SMAD9: variants seen among roughly 807,000 people sequenced by gnomAD.
The protein encoded by SMAD9 is SMAD family member 9, also known as MAD homolog 9.
SMAD9 carries 36 observed loss-of-function variants against 46.1 expected under a neutral mutation model. The observed-to-expected ratio is 0.78, with a 90% CI of 0.60 to 1.03. SMAD9 has a LOEUF of 1.03. Among genes scored for constraint, SMAD9 ranks in the 50% least tolerant of loss-of-function variants. SMAD9 has a pLI of 0.00. For missense variants in SMAD9, 572 were observed against 599.8 expected, an observed-to-expected ratio of 0.95 and a Z score of 0.48; for synonymous variants, 245 against 237.1, an observed-to-expected ratio of 1.03 and a Z score of -0.31.
At chr13:36,864,478 T>C (rs1478554829) in intron 5 of SMAD9, among the ~76,000 whole-genome samples, 3 of 152,374 alleles carry the variant, frequency 2.0e-5, no homozygotes, top group African/African-American at 4.8e-5. Context: ...CTAACCCTTA[T>C]GGATGACATA....
chr13:36,882,820 C>T (rs1266855374), intron 1 of SMAD9, among the ~76,000 whole-genome samples: 1 of 152,050 alleles, frequency 6.6e-6, no homozygotes, highest in Non-Finnish European at 1.5e-5. Context: ...TGAATCATGC[C>T]AGGTGTGGTG....
At chr13:36,854,064 C>A (rs1482264188) in intron 5 of SMAD9, among the ~76,000 whole-genome samples, 1 of 152,054 alleles carries the variant, frequency 6.6e-6, no homozygotes, top group Admixed American at 6.6e-5. Context: ...GAGGCTCAGG[C>A]AGGAGAATTG....
intron 4 of SMAD9, among the ~76,000 whole-genome samples, chr13:36,866,101 A>C (rs1207364507): frequency 6.6e-6 from 1 of 152,190 alleles, no homozygotes; most frequent in Non-Finnish European, 1.5e-5. Flanking sequence ...AGCTCAAAGG[A>C]AGCTGGCAGG....
intron 1 of SMAD9, among the ~76,000 whole-genome samples, chr13:36,914,762 A>G (rs2058686401): frequency 6.6e-6 from 1 of 152,186 alleles, no homozygotes; most frequent in Non-Finnish European, 1.5e-5. Context: ...GGTACTACCA[A>G]GTCAGTTAAA....
intron 1 of SMAD9, among the ~76,000 whole-genome samples, chr13:36,919,686 C>T (rs1225388543): frequency 6.6e-6 from 1 of 151,436 alleles, no homozygotes. Context: ...CCAGCCCCGA[C>T]CCGACCGCCG....
intron 4 of SMAD9, among the ~76,000 whole-genome samples, chr13:36,866,708 A>G (rs1025813432): frequency 9.9e-5 from 15 of 152,216 alleles, no homozygotes; most frequent in African/African-American, 3.6e-4. Flanking sequence ...GATCTGGCTC[A>G]TGGAACAGTA....
At chr13:36,883,440 A>C (rs189634504) in intron 1 of SMAD9, among the ~76,000 whole-genome samples, 1 of 152,348 alleles carries the variant, frequency 6.6e-6, no homozygotes, top group African/African-American at 2.4e-5. Context: ...AAAGGATTTA[A>C]ATCACAGTTA....
In SMAD9 at chr13:36,879,473, G is replaced by C. The variant is rs11545112; in HGVS notation, c.217C>G (p.Arg73Gly). 2 of 1,613,698 alleles carry C rather than the reference G, an allele frequency of 1.2e-6. No homozygotes were observed. Among genetic ancestry groups the C allele is most frequent in the African/African-American group, 2.7e-5 (2 of 74,938 alleles). The change falls in exon 2 of 7, where the codon CGC becomes GGC. Residue 73 changes from arginine to glycine, a missense_variant. By Grantham distance (125) the Arg-to-Gly change is moderately radical. Transcript: ENST00000379826. The part of the protein sequence containing the change: ...GQPSKCVTIP[R>G]SLDGRLQVSH... The stretch of plus-strand genomic sequence containing the variant: ...ACCTGCAGCCGCCCGTCCAGGGAGC[G>C]GGGAATCGTGACGCATTTGCTGGGC...
At chr13:36,888,191 G>C (rs990931089) in intron 1 of SMAD9, among the ~76,000 whole-genome samples, 2 of 152,180 alleles carry the variant, frequency 1.3e-5, no homozygotes, top group African/African-American at 4.8e-5. Flanking sequence ...TTGAACTGTA[G>C]TCCCCACTTG....
chr13:36,894,868 T>A (rs759587475), intron 1 of SMAD9, among the ~76,000 whole-genome samples: 5 of 152,152 alleles, frequency 3.3e-5, no homozygotes, highest in Admixed American at 6.6e-5. Flanking sequence ...AGCAGTGAAC[T>A]AGCCCTTGTA....
chr13:36,865,400 A>G (rs1414880398), intron 5 of SMAD9, 137 bp downstream of exon 5: 2 of 716,020 alleles, frequency 2.8e-6, no homozygotes, highest in Non-Finnish European at 5.1e-6. Flanking sequence ...TGTCAGAGCT[A>G]TCTCAGAGCT....
At position 36,849,086 on chromosome 13, in the gene SMAD9, C is replaced by T. The variant is rs114190398; in HGVS notation, c.1261-267G>A. Reference sequence around the variant, plus strand: ...GAGAGGTTCTGGCACTCCAGTCACACGGGAAGCACTGAAAAATCATTTTCC... The same window carrying T: ...GAGAGGTTCTGGCACTCCAGTCACATGGGAAGCACTGAAAAATCATTTTCC... On this transcript the variant is annotated intron_variant, in intron 6 of 6. Transcript: ENST00000379826. 3.4e-3 allele frequency among the ~76,000 whole-genome samples: 511 copies of T among 152,296 alleles called. 1 individual carries two copies. Among genetic ancestry groups the T allele is most frequent in the African/African-American group, 0.012 (495 of 41,556 alleles).
At position 36,889,111 on chromosome 13, in the gene SMAD9, T is replaced by C. The variant is rs114833472; in HGVS notation, c.-186-9236A>G. 4.7e-3 allele frequency among the ~76,000 whole-genome samples: 720 copies of C among 152,266 alleles called. 5 individuals are homozygous for C. Among genetic ancestry groups the C allele is most frequent in the African/African-American group, 0.017 (694 of 41,538 alleles). On this transcript the variant is annotated intron_variant, in intron 1 of 6. Transcript: ENST00000379826. ...AACACTGATTCTGCTTCAGAAGAAA[T>C]ATCATAATTGAATTTATTTCTGAAT...
Position 36,846,613 on chromosome 13 carries a change from C to G in SMAD9, c.*2063G>C. ...GGAATGGTTCCCATACAAGATTCAC[C>G]ATATTAATGCCTTTTCTAAGAAAAG... On this transcript the variant is annotated 3_prime_UTR_variant, in exon 7 of 7. Coordinates refer to ENST00000379826, the MANE Select transcript of SMAD9 (RefSeq NM_001127217.3). 1 of 151,534 alleles carries G rather than the reference C, an allele frequency of 6.6e-6. No homozygotes were observed. The highest frequency in any genetic ancestry group is 1.5e-5 in the Non-Finnish European group (1 of 67,936). 9.4% of individuals were successfully genotyped at this position (151,534 alleles called of 1,614,324 possible).
chr13:36,889,689 A>G (rs1008981821), intron 1 of SMAD9, among the ~76,000 whole-genome samples: 2 of 152,212 alleles, frequency 1.3e-5, no homozygotes, highest in South Asian at 4.1e-4. Flanking sequence ...ATGTGTTTAT[A>G]AAACATCCCA....
At chr13:36,910,442 G>C (rs890003101) in intron 1 of SMAD9, among the ~76,000 whole-genome samples, 2 of 152,062 alleles carry the variant, frequency 1.3e-5, no homozygotes, top group African/African-American at 2.4e-5. Context: ...ACCACCAAGA[G>C]TGAATCTCCC....
At chr13:36,876,619 A>T (rs1355312151) in intron 2 of SMAD9, among the ~76,000 whole-genome samples, 1 of 152,216 alleles carries the variant, frequency 6.6e-6, no homozygotes, top group Non-Finnish European at 1.5e-5. Context: ...CGTTTGAAGG[A>T]CTGGAAATTA....
At chr13:36,907,018 T>A (rs1433123698) in intron 1 of SMAD9, among the ~76,000 whole-genome samples, 2 of 152,132 alleles carry the variant, frequency 1.3e-5, no homozygotes, top group Non-Finnish European at 2.9e-5. Context: ...AATGAACAAA[T>A]TGTTATATAT....
chr13:36,904,544 A>C (rs2058603110), intron 1 of SMAD9, among the ~76,000 whole-genome samples: 1 of 152,166 alleles, frequency 6.6e-6, no homozygotes, highest in Non-Finnish European at 1.5e-5. Context: ...AGCCACTAAA[A>C]GGCCATGGGC....
Sources: allele counts gnomAD v4.1 joint callset (sites outside exome capture counted in the v4.1 genomes callset), GRCh38; gene constraint gnomAD v4.1.1; transcripts MANE v1.5; gene names NCBI Gene and HGNC (gene_info 2026-07-23, HGNC 2026-07-21).